The following NRG3 variants were observed in gnomAD, a reference collection of about 807,000 sequenced individuals.
NRG3 encodes neuregulin 3, also known as pro-neuregulin-3, membrane-bound isoform.
Under a neutral mutation model 66.9 loss-of-function variants are expected in NRG3, and 31 were observed. That is an observed-to-expected ratio of 0.46 (90% CI 0.35 to 0.63). The LOEUF (loss-of-function observed/expected upper bound fraction) is 0.63, where lower values mean the gene tolerates loss of function less well. NRG3 is among the 20% of genes least tolerant of loss of function. NRG3 has a pLI of 0.00. For missense variants in NRG3, 910 were observed against 878.9 expected (o/e 1.04, Z -0.45); for synonymous variants, 393 against 359.4 (o/e 1.09, Z -1.06).
At chr10:82,344,749 T>C (rs1410284585) in intron 1 of NRG3, among the ~76,000 whole-genome samples, 1 of 125,380 alleles carries the variant, frequency 8.0e-6, no homozygotes, top group Admixed American at 7.6e-5. Flanking sequence ...TTTTAATGAT[T>C]GCCATTCTAA....
chr10:82,777,502 G>T (rs2059953864), intron 3 of NRG3, among the ~76,000 whole-genome samples: 1 of 152,154 alleles, frequency 6.6e-6, no homozygotes, highest in Non-Finnish European at 1.5e-5. Flanking sequence ...ATTCTCTGAG[G>T]TGCAGGTGGG....
chr10:82,033,483 C>G (rs1354288384), intron 1 of NRG3, among the ~76,000 whole-genome samples: 4 of 152,120 alleles, frequency 2.6e-5, no homozygotes, highest in Non-Finnish European at 4.4e-5. Flanking sequence ...TCACTGGTCT[C>G]TATACATGGC....
At chr10:82,823,853 A>G (rs1393878791) in intron 3 of NRG3, among the ~76,000 whole-genome samples, 1 of 152,166 alleles carries the variant, frequency 6.6e-6, no homozygotes, top group Non-Finnish European at 1.5e-5. Context: ...TAATTCACGC[A>G]TTATAAAATA....
intron 1 of NRG3, among the ~76,000 whole-genome samples, chr10:81,963,125 CTTTTTTTTTTTTTTT>C (rs777026850): frequency 2.9e-5 from 2 of 70,122 alleles, no homozygotes; most frequent in Non-Finnish European, 5.2e-5. Flanking sequence ...CACGAGGGCT[CTTTTTTTTTTTTTTT>C]TTTTTTTTTT....
intron 2 of NRG3, among the ~76,000 whole-genome samples, chr10:82,548,702 G>A (rs1216534918): frequency 2.0e-5 from 3 of 152,012 alleles, no homozygotes; most frequent in Non-Finnish European, 4.4e-5. Context: ...GACATAGACA[G>A]CGTACAGTTC....
intron 1 of NRG3, among the ~76,000 whole-genome samples, chr10:82,275,511 G>A (rs2078801784): frequency 6.6e-6 from 1 of 151,964 alleles, no homozygotes; most frequent in South Asian, 2.1e-4. Flanking sequence ...GGCCAGTGAA[G>A]GATCCTCAGG....
chr10:82,650,162 G>A (rs546927228), intron 2 of NRG3, among the ~76,000 whole-genome samples: 5 of 152,060 alleles, frequency 3.3e-5, no homozygotes, highest in South Asian at 2.1e-4. Flanking sequence ...AAAATATTAC[G>A]CTTCTTCTTT....
At chr10:82,366,984 A>T (rs1434780119) in intron 2 of NRG3, among the ~76,000 whole-genome samples, 2 of 152,190 alleles carry the variant, frequency 1.3e-5, no homozygotes, top group African/African-American at 4.8e-5. Flanking sequence ...CGAATATGGA[A>T]CCCAAGATAA....
intron 2 of NRG3, among the ~76,000 whole-genome samples, chr10:82,447,834 T>C (rs1485086659): frequency 6.6e-6 from 1 of 152,216 alleles, no homozygotes; most frequent in Non-Finnish European, 1.5e-5. Flanking sequence ...ATACAAAATC[T>C]CCAAGGCCTT....
At chr10:82,373,565 G>A (rs537693858) in intron 2 of NRG3, among the ~76,000 whole-genome samples, 1 of 152,206 alleles carries the variant, frequency 6.6e-6, no homozygotes, top group African/African-American at 2.4e-5. Context: ...TCAGTGGGTA[G>A]CTCCACTGCT....
intron 1 of NRG3, among the ~76,000 whole-genome samples, chr10:82,096,022 T>A (rs940586823): frequency 1.8e-4 from 28 of 152,212 alleles, no homozygotes; most frequent in South Asian, 2.1e-4. Flanking sequence ...AGTGAAAATC[T>A]GGACAGCATT....
At chr10:82,108,931 A>G (rs80112380) in intron 1 of NRG3, among the ~76,000 whole-genome samples, 2,170 of 152,246 alleles carry the variant, frequency 0.014, 24 homozygotes, top group African/African-American at 0.022. Context: ...TGAGCAACAT[A>G]AATTCACTCT....
rs187993140 is a variant in NRG3, at chr10:82,824,168, A to G, written c.1028-41243A>G. ...GTATCTGGCTTCTTTCATTCAGCAT[A>G]AACTTTTCAAGGTTCTTTTACATTG... is the stretch of plus-strand genomic sequence containing the variant. On this transcript the variant is annotated intron_variant, in intron 3 of 8. Transcript: ENST00000372141. 2.8e-4 allele frequency among the ~76,000 whole-genome samples: 42 copies of G among 152,306 alleles called. No homozygotes were observed. In the East Asian group the frequency reaches 7.7e-3, roughly 28 times the overall value.
rs1225527774 is a variant in NRG3, at chr10:82,223,642, A to AAAACAC, written c.824-135096_824-135095insAACACA. On this transcript the variant is annotated intron_variant, in intron 1 of 8. Coordinates refer to ENST00000372141, the MANE Select transcript of NRG3 (RefSeq NM_001010848.4). ...TAGTAATATTCCAGCAACCACCCCAAACACACACACACACACACACACACA... is the reference window on the plus strand; with the variant it reads ...TAGTAATATTCCAGCAACCACCCCAAAAACACACACACACACACACACACACACACA... 3.8e-3 allele frequency among the ~76,000 whole-genome samples: 530 copies of AAAACAC among 138,000 alleles called. 3 individuals carry two copies. The highest frequency in any genetic ancestry group is 0.011 in the African/African-American group (393 of 36,006). The allele number at this position is 138,000 out of a possible 152,430, so 90.5% of individuals were successfully genotyped here.
At chr10:82,124,386 G>A (rs1260403991) in intron 1 of NRG3, among the ~76,000 whole-genome samples, 1 of 151,892 alleles carries the variant, frequency 6.6e-6, no homozygotes. Context: ...ACCCTTGCCT[G>A]GAATATATGA....
chr10:82,599,630 A>G (rs960794996), intron 2 of NRG3, among the ~76,000 whole-genome samples: 16 of 152,156 alleles, frequency 1.1e-4, no homozygotes, highest in African/African-American at 3.6e-4. Context: ...CCTAGCCAAC[A>G]TGGTGAAACC....
At chr10:82,163,590 A>G (rs2071780505) in intron 1 of NRG3, among the ~76,000 whole-genome samples, 2 of 152,184 alleles carry the variant, frequency 1.3e-5, no homozygotes, top group South Asian at 2.1e-4. Flanking sequence ...AATCTCTGGT[A>G]TGTCAATGTA....
intron 2 of NRG3, among the ~76,000 whole-genome samples, chr10:82,638,010 G>T (rs11195388): frequency 7.2e-5 from 11 of 152,130 alleles, no homozygotes; most frequent in African/African-American, 1.2e-4. Context: ...TAAAAAATTT[G>T]CAGGAAAAAA....
chr10:82,407,440 T>C (rs915607580), intron 2 of NRG3, among the ~76,000 whole-genome samples: 4 of 152,168 alleles, frequency 2.6e-5, no homozygotes, highest in African/African-American at 9.6e-5. Context: ...AAACCTCAAC[T>C]CTATCACTTA....
Sources: allele counts gnomAD v4.1 joint callset (sites outside exome capture counted in the v4.1 genomes callset), GRCh38; gene constraint gnomAD v4.1.1; transcripts MANE v1.5; gene names NCBI Gene and HGNC (gene_info 2026-07-23, HGNC 2026-07-21).